Variants in PDE5A observed in about 807,000 individuals in gnomAD.
The protein encoded by PDE5A is phosphodiesterase 5A.
PDE5A carries 67 observed loss-of-function variants against 110.2 expected under a neutral mutation model. That is an observed-to-expected ratio of 0.61 (90% confidence interval 0.50 to 0.75). PDE5A has a LOEUF of 0.75. Among genes scored for constraint, PDE5A ranks in the 30% least tolerant of loss-of-function variants. The pLI is 0.00. For missense variants in PDE5A, 862 were observed against 1,045.1 expected (o/e 0.82, Z 2.42); for synonymous variants, 328 against 351.2 (o/e 0.93, Z 0.74).
chr4:119,570,166 A>G (rs1560620754), intron 3 of PDE5A, among the ~76,000 whole-genome samples: 1 of 152,238 alleles, frequency 6.6e-6, no homozygotes, highest in South Asian at 2.1e-4. Flanking sequence ...GATCCTGAGC[A>G]AAACTGGCAT....
intron 3 of PDE5A, among the ~76,000 whole-genome samples, chr4:119,594,492 G>C (rs1485775669): frequency 6.6e-6 from 1 of 152,066 alleles, no homozygotes; most frequent in African/African-American, 2.4e-5. Flanking sequence ...ATTTGAGTTG[G>C]ATTTGAGTTC....
chr4:119,559,423 A>G (rs1212573416), intron 7 of PDE5A, among the ~76,000 whole-genome samples: 1 of 152,210 alleles, frequency 6.6e-6, no homozygotes, highest in Non-Finnish European at 1.5e-5. Flanking sequence ...TAATATGATT[A>G]TCATACTGAT....
In PDE5A at chr4:119,525,747, G is replaced by A; in HGVS notation, c.1633-52C>T. 5 of 1,535,948 alleles carry A rather than the reference G, an allele frequency of 3.3e-6. No homozygotes were observed. The highest frequency in any genetic ancestry group is 4.4e-6 in the Non-Finnish European group (5 of 1,131,076). ...AAATGCTGTTAATTAAAGCAGCAGTGATTTGCAAGGTTTTCTTGTTTTGCT... is the reference window on the plus strand; with the variant it reads ...AAATGCTGTTAATTAAAGCAGCAGTAATTTGCAAGGTTTTCTTGTTTTGCT... On this transcript the variant is annotated intron_variant, in intron 11 of 20. Transcript: ENST00000354960. This position sits in a 1 kb window ranked among gnomAD's most constrained non-coding sequence, Gnocchi z 4.3.
intron 2 of PDE5A, among the ~76,000 whole-genome samples, chr4:119,598,923 C>G (rs1325629152): frequency 6.6e-6 from 1 of 152,026 alleles, no homozygotes; most frequent in East Asian, 1.9e-4. Context: ...GGGCAAAAAA[C>G]CTAAAGGACT....
chr4:119,529,249 G>A (rs1452742537), intron 11 of PDE5A, among the ~76,000 whole-genome samples: 1 of 151,990 alleles, frequency 6.6e-6, no homozygotes, highest in Admixed American at 6.6e-5. Flanking sequence ...TGCCTAGAAT[G>A]CATATTCCCA....
intron 17 of PDE5A, 101 bp downstream of exon 17, chr4:119,505,754 T>C (rs1725527970): frequency 4.4e-6 from 3 of 676,022 alleles, no homozygotes; most frequent in Non-Finnish European, 5.1e-6. Flanking sequence ...GATCATCATA[T>C]TGTAACAAAT....
At chr4:119,507,300 A>T (rs1444351916) in intron 16 of PDE5A, among the ~76,000 whole-genome samples, 1 of 151,908 alleles carries the variant, frequency 6.6e-6, no homozygotes, top group Admixed American at 6.6e-5. Flanking sequence ...AAAGCAAATG[A>T]TCTATATAAT....
intron 4 of PDE5A, among the ~76,000 whole-genome samples, chr4:119,566,415 T>A (rs1205989552): frequency 6.6e-6 from 1 of 152,268 alleles, no homozygotes; most frequent in Admixed American, 6.5e-5. Flanking sequence ...AATTACTTAT[T>A]CAATAGGAAA....
At chr4:119,603,818 C>A (rs1307330377) in intron 2 of PDE5A, among the ~76,000 whole-genome samples, 1 of 152,104 alleles carries the variant, frequency 6.6e-6, no homozygotes, top group African/African-American at 2.4e-5. Context: ...GGTCTACGAT[C>A]AAATAAGCTT....
intron 11 of PDE5A, chr4:119,527,396 G>A (rs1349213626): frequency 6.6e-6 from 1 of 151,974 alleles, no homozygotes; most frequent in Non-Finnish European, 1.5e-5. Context: ...CAGAATTCTG[G>A]GATCTATTAT....
intron 11 of PDE5A, among the ~76,000 whole-genome samples, chr4:119,537,389 A>G (rs746235149): frequency 7.2e-5 from 11 of 152,012 alleles, no homozygotes; most frequent in Non-Finnish European, 1.5e-4. Context: ...ACGAATCCAC[A>G]GCAGCTTTTT....
intron 1 of PDE5A, among the ~76,000 whole-genome samples, chr4:119,619,928 A>T (rs1306777251): frequency 2.0e-5 from 3 of 152,186 alleles, no homozygotes; most frequent in African/African-American, 7.2e-5. Context: ...TCAATTTCAA[A>T]GGGTTCACAA....
chr4:119,595,477 G>A (rs1176268439), intron 3 of PDE5A, among the ~76,000 whole-genome samples: 1 of 152,176 alleles, frequency 6.6e-6, no homozygotes, highest in Non-Finnish European at 1.5e-5. Context: ...TCAGTAGACT[G>A]AGTGAAAAAG....
At chr4:119,533,109 T>C (rs1342580770) in intron 11 of PDE5A, among the ~76,000 whole-genome samples, 2 of 152,198 alleles carry the variant, frequency 1.3e-5, no homozygotes, top group African/African-American at 2.4e-5. Context: ...TATTTTGTTA[T>C]ATTGCTCCTT....
chr4:119,542,766 T>G, intron 9 of PDE5A, 132 bp from the exon 10 acceptor site: 1 of 724,410 alleles, frequency 1.4e-6, no homozygotes, highest in Non-Finnish European at 2.3e-6. Flanking sequence ...ATAAGCAAAT[T>G]AACCCCCACA....
chr4:119,627,094 C>T lies in PDE5A; in HGVS notation c.152+1426G>A. Reference sequence around the variant, plus strand: ...GGCGCCACCACCCAGCACCCGAGACCCGCCGCGCCCCCGGAAAAAGTGGGA... The same window carrying T: ...GGCGCCACCACCCAGCACCCGAGACTCGCCGCGCCCCCGGAAAAAGTGGGA... On this transcript the variant is annotated intron_variant, in intron 1 of 20. Coordinates refer to ENST00000354960, the MANE Select transcript of PDE5A (RefSeq NM_001083.4). The surrounding 1 kb of genome is among the most constrained non-coding windows in gnomAD (Gnocchi z 4.6). 6.2e-7 allele frequency: 1 copy of T among 1,606,044 alleles called. No individual in the cohort carries two copies. Among genetic ancestry groups the T allele is most frequent in the South Asian group, 1.1e-5 (1 of 89,928 alleles).
intron 9 of PDE5A, chr4:119,550,196 C>G (rs1727291851): frequency 6.6e-6 from 1 of 152,150 alleles, no homozygotes; most frequent in South Asian, 2.1e-4. Flanking sequence ...TCCCTTCACC[C>G]CACACAAAAC....
At position 119,496,707 on chromosome 4, in the gene PDE5A, T is replaced by G. The variant is rs1032389090; in HGVS notation, c.*1894A>C. On this transcript the variant is annotated 3_prime_UTR_variant, in exon 21 of 21. Coordinates refer to ENST00000354960, the MANE Select transcript of PDE5A (RefSeq NM_001083.4). Reference sequence around the variant, plus strand: ...TTTTTCTATACTAAGGATTTATGTATGCATGCATAAGTATACACCTGTATG... The same window carrying G: ...TTTTTCTATACTAAGGATTTATGTAGGCATGCATAAGTATACACCTGTATG... The G allele has an allele frequency of 6.6e-6, 1 of 152,556 alleles. No homozygotes were observed. Among genetic ancestry groups the G allele is most frequent in the African/African-American group, 2.4e-5 (1 of 41,458 alleles). The allele number at this position is 152,556 out of a possible 1,614,324, so 9.5% of individuals were successfully genotyped here.
At chr4:119,607,350 T>A (rs906691261) in intron 1 of PDE5A, 53 bp from the exon 2 acceptor site, 1 of 1,118,494 alleles carries the variant, frequency 8.9e-7, no homozygotes, top group African/African-American at 1.6e-5. Flanking sequence ...AAGGGTGCTA[T>A]GCCTGAGAGC....
Sources: allele counts gnomAD v4.1 joint callset (sites outside exome capture counted in the v4.1 genomes callset), GRCh38; gene constraint gnomAD v4.1.1; non-coding constraint Gnocchi (gnomAD v3.1); transcripts MANE v1.5; gene names NCBI Gene and HGNC (gene_info 2026-07-23, HGNC 2026-07-21).